PFKFB4: variants seen among roughly 807,000 people sequenced by gnomAD.
PFKFB4 encodes the protein 6-phosphofructo-2-kinase/fructose-2,6-biphosphatase 4.
A neutral mutation model predicts 62.8 loss-of-function variants in PFKFB4; 42 were observed. The observed-to-expected ratio is 0.67, with a 90% CI of 0.52 to 0.86. The LOEUF (loss-of-function observed/expected upper bound fraction) is 0.86. Ranked by LOEUF, PFKFB4 falls within the 40% of genes least tolerant of loss-of-function variation. PFKFB4 has a pLI of 0.00. For synonymous variants in PFKFB4, 204 were observed against 240.7 expected (o/e 0.85, Z 1.41); for missense variants, 475 against 627.2 (o/e 0.76, Z 2.59).
In PFKFB4 at chr3:48,556,519, C is replaced by A. The variant is rs1378822354; in HGVS notation, c.97+162G>T. Among the ~76,000 whole-genome samples the A allele has an allele frequency of 2.6e-5, 4 of 152,104 alleles. 1 individual carries two copies. On this transcript the variant is annotated intron_variant, in intron 1 of 13. Coordinates refer to ENST00000232375, the MANE Select transcript of PFKFB4 (RefSeq NM_004567.4). This position sits in a 1 kb window ranked among gnomAD's most constrained non-coding sequence, Gnocchi z 5.7. ...GTCTCTGGCCCACCACTGTCACGAC[C>A]GCCTCACCTGTCCCCAGCAGCCTCC...
upstream of PFKFB4, chr3:48,562,913 C>G (rs370633415): frequency 2.4e-5 from 38 of 1,603,874 alleles, 1 homozygote; most frequent in South Asian, 3.9e-4. The surrounding 1 kb of genome is among the most constrained non-coding windows in gnomAD (Gnocchi z 4.3). Context: ...TAGGACAATG[C>G]GCGAGCCAGG....
In PFKFB4 at chr3:48,539,748, G is replaced by C; in HGVS notation, c.402C>G (p.Thr134=). Reference sequence around the variant, plus strand: ...TAAAGATGGTCGCTCTCCGTTCTCGGGTGGTGTTTGTGGCATCAAAAACCT... The same window carrying C: ...TAAAGATGGTCGCTCTCCGTTCTCGCGTGGTGTTTGTGGCATCAAAAACCT... ...HVAVFDATNT[T]RERRATIFNF... Residue 134 remains threonine (T), a synonymous_variant, in exon 5 of 14, where the codon ACC becomes ACG. Coordinates refer to ENST00000232375, the MANE Select transcript of PFKFB4 (RefSeq NM_004567.4). 1.2e-6 allele frequency: 2 copies of C among 1,614,176 alleles called. No individual in the cohort carries two copies. Among genetic ancestry groups the C allele is most frequent in the Non-Finnish European group, 1.7e-6 (2 of 1,179,998 alleles).
Position 48,538,764 on chromosome 3 carries a change from G to A in PFKFB4, c.511-145C>T, listed in dbSNP as rs1469518085. On this transcript the variant is annotated intron_variant, in intron 6 of 13. Transcript: ENST00000232375. ...CCTGAGGCTGGAAGCTGAGGTGGGG[G>A]CTGGTCCAGCAGCTCCCTGGTCTGA... is the stretch of plus-strand genomic sequence containing the variant. 1.0e-5 allele frequency: 10 copies of A among 972,644 alleles called. No individual in the cohort carries two copies. In the East Asian group the frequency reaches 2.6e-4, roughly 26 times the overall value. The allele number at this position is 972,644 out of a possible 1,614,324, so 60.3% of individuals were successfully genotyped here. A position where few individuals can be genotyped will look rare whatever the true frequency, so the allele number is the denominator to read the frequency against.
At chr3:48,533,790 G>A (rs895159450) in intron 9 of PFKFB4, among the ~76,000 whole-genome samples, 4 of 152,188 alleles carry the variant, frequency 2.6e-5, no homozygotes, top group Non-Finnish European at 4.4e-5. Flanking sequence ...GGAGACGAAG[G>A]TGGCAGTGAG....
chr3:48,539,159 C>A (rs1057385141), intron 6 of PFKFB4, 95 bp downstream of exon 6: 9 of 927,650 alleles, frequency 9.7e-6, no homozygotes, highest in Admixed American at 5.8e-5. Flanking sequence ...TCCCTACCCC[C>A]ACAAGGTTCA....
At chr3:48,533,940 A>C (rs1271249032) in intron 9 of PFKFB4, among the ~76,000 whole-genome samples, 1 of 152,228 alleles carries the variant, frequency 6.6e-6, no homozygotes, top group Non-Finnish European at 1.5e-5. Context: ...AGAGAAGGGA[A>C]GCAAGCTGAG....
chr3:48,550,435 G>A (rs541731088), intron 1 of PFKFB4, among the ~76,000 whole-genome samples: 3 of 152,268 alleles, frequency 2.0e-5, no homozygotes, highest in Admixed American at 2.0e-4. Flanking sequence ...CCCTTCCCCA[G>A]GCCCGCCTGG....
At chr3:48,535,363 T>G in intron 9 of PFKFB4, 149 bp downstream of exon 9, 1 of 715,178 alleles carries the variant, frequency 1.4e-6, no homozygotes. Flanking sequence ...TAGGCTGCCT[T>G]TTCCTCTCTG....
At chr3:48,557,151 A>G (rs1173883618), upstream of PFKFB4, 1 of 255,786 alleles carries the variant, frequency 3.9e-6, no homozygotes, top group Non-Finnish European at 7.1e-6. Context: ...GCTGATTTGC[A>G]TAGGCCCCAC....
chr3:48,553,940 T>C (rs2043233153), intron 1 of PFKFB4, among the ~76,000 whole-genome samples: 1 of 152,148 alleles, frequency 6.6e-6, no homozygotes, highest in African/African-American at 2.4e-5. Flanking sequence ...TTGAGTCAGC[T>C]CTTGCCCCAC....
chr3:48,561,033 C>G, upstream of PFKFB4: 6 of 1,263,180 alleles, frequency 4.7e-6, no homozygotes, highest in Non-Finnish European at 6.2e-6. This position sits in a 1 kb window ranked among gnomAD's most constrained non-coding sequence, Gnocchi z 5.2. Context: ...CCACCCTCCC[C>G]ACGCTGTCCC....
At chr3:48,543,856 G>A (rs962414118) in intron 3 of PFKFB4, among the ~76,000 whole-genome samples, 4 of 152,122 alleles carry the variant, frequency 2.6e-5, no homozygotes, top group African/African-American at 9.7e-5. Flanking sequence ...ATACACTCTT[G>A]GCTATTAGGA....
chr3:48,538,484 C>A lies in PFKFB4; in HGVS notation c.632+14G>T, dbSNP rs763795657. The A allele has an allele frequency of 1.2e-6, 2 of 1,613,368 alleles. No homozygotes were observed. The highest frequency in any genetic ancestry group is 1.7e-6 in the Non-Finnish European group (2 of 1,179,858). On this transcript the variant is annotated intron_variant, in intron 7 of 13. Transcript: ENST00000232375. Reference sequence around the variant, plus strand: ...ACCATCACAGCTGCAGGGCCTGGCGCTGCCCTGACTCACCTATCCAGGTCC... The same window carrying A: ...ACCATCACAGCTGCAGGGCCTGGCGATGCCCTGACTCACCTATCCAGGTCC...
At chr3:48,533,299 C>T (rs1471485398) in intron 9 of PFKFB4, among the ~76,000 whole-genome samples, 3 of 152,052 alleles carry the variant, frequency 2.0e-5, no homozygotes. Flanking sequence ...AGTTGCATAA[C>T]AATGTAAATG....
intron 9 of PFKFB4, among the ~76,000 whole-genome samples, chr3:48,535,138 G>A (rs192892127): frequency 2.0e-5 from 3 of 152,308 alleles, no homozygotes; most frequent in Admixed American, 6.5e-5. Flanking sequence ...GACAAAGGCC[G>A]TGCTGGTTCA....
At chr3:48,523,034 T>A (rs2042146429) in intron 12 of PFKFB4, among the ~76,000 whole-genome samples, 1 of 150,500 alleles carries the variant, frequency 6.6e-6, no homozygotes, top group Non-Finnish European at 1.5e-5. Flanking sequence ...GTGCTGGGAT[T>A]ACAGGCATGA....
At chr3:48,534,997 T>C (rs1289806304) in intron 9 of PFKFB4, among the ~76,000 whole-genome samples, 1 of 152,104 alleles carries the variant, frequency 6.6e-6, no homozygotes, top group South Asian at 2.1e-4. Flanking sequence ...TCAGTAGAGA[T>C]GGGGTTTCAC....
upstream of PFKFB4, chr3:48,560,940 A>C: frequency 6.8e-6 from 2 of 296,126 alleles, no homozygotes; most frequent in South Asian, 5.2e-5. Context: ...CCCTCAGAGC[A>C]CCCCTAAACC....
rs1280348498 is a variant in PFKFB4 at position 48,521,656 on chromosome 3, C to A, written c.1350+330G>T. ...GCCTCATTCTCACTGAGCCCAAGGG[C>A]CCCCTTGACTTAGACCTCCAAGTTG... On this transcript the variant is annotated intron_variant, in intron 13 of 13. Coordinates refer to ENST00000232375, the MANE Select transcript of PFKFB4 (RefSeq NM_004567.4). The surrounding 1 kb of genome is among the most constrained non-coding windows in gnomAD (Gnocchi z 5.3). Among the ~76,000 whole-genome samples, 3 of 152,206 alleles carry A rather than the reference C, an allele frequency of 2.0e-5. No individual in the cohort carries two copies. The highest frequency in any genetic ancestry group is 2.9e-5 in the Non-Finnish European group (2 of 68,038).
Sources: allele counts gnomAD v4.1 joint callset (sites outside exome capture counted in the v4.1 genomes callset), GRCh38; gene constraint gnomAD v4.1.1; non-coding constraint Gnocchi (gnomAD v3.1); transcripts MANE v1.5; gene names NCBI Gene and HGNC (gene_info 2026-07-23, HGNC 2026-07-21).